Variants in DGKB observed in about 807,000 individuals in gnomAD.
DGKB encodes diacylglycerol kinase beta.
Under a neutral mutation model 114.3 loss-of-function variants are expected in DGKB, and 67 were observed. The ratio of observed to expected loss-of-function variants is 0.59; its 90% CI spans 0.48 to 0.72. DGKB has a LOEUF of 0.72. Among genes scored for constraint, DGKB ranks in the 30% least tolerant of loss-of-function variants. DGKB has a pLI of 0.00. For synonymous variants in DGKB, 398 were observed against 323.1 expected, an observed-to-expected ratio of 1.23 and a Z score of -2.49; for missense variants, 907 against 975.2, an observed-to-expected ratio of 0.93 and a Z score of 0.93.
chr7:14,704,157 C>T (rs561012324), intron 6 of DGKB, among the ~76,000 whole-genome samples: 10 of 151,670 alleles, frequency 6.6e-5, no homozygotes, highest in East Asian at 5.8e-4. Context: ...GTTTGCCGGC[C>T]GGGCGCGGTG....
At chr7:14,676,561 T>C (rs1435852711) in intron 12 of DGKB, among the ~76,000 whole-genome samples, 1 of 152,002 alleles carries the variant, frequency 6.6e-6, no homozygotes, top group African/African-American at 2.4e-5. Flanking sequence ...ACCTACTAAG[T>C]ACCCACAAAA....
intron 23 of DGKB, among the ~76,000 whole-genome samples, chr7:14,334,837 A>G (rs1278340703): frequency 6.6e-6 from 1 of 152,174 alleles, no homozygotes; most frequent in Non-Finnish European, 1.5e-5. Flanking sequence ...GAAAGGTCGA[A>G]TATTAACGCT....
At chr7:14,759,919 T>G (rs1171732545) in intron 2 of DGKB, among the ~76,000 whole-genome samples, 1 of 152,224 alleles carries the variant, frequency 6.6e-6, no homozygotes, top group Non-Finnish European at 1.5e-5. Flanking sequence ...TGCCAAAACT[T>G]GTTATTTTCT....
chr7:14,912,871 A>G (rs958766904), intron 1 of DGKB, among the ~76,000 whole-genome samples: 2 of 152,164 alleles, frequency 1.3e-5, no homozygotes, highest in Non-Finnish European at 2.9e-5. Context: ...TCTCGTACAG[A>G]AAGCACTTCT....
chr7:14,678,238 A>T (rs1820216132), intron 12 of DGKB, among the ~76,000 whole-genome samples: 1 of 152,056 alleles, frequency 6.6e-6, no homozygotes. Flanking sequence ...AAGCAACAGG[A>T]GCGGGCCACA....
At chr7:14,562,913 G>T (rs1796880708) in intron 20 of DGKB, among the ~76,000 whole-genome samples, 1 of 152,102 alleles carries the variant, frequency 6.6e-6, no homozygotes, top group Non-Finnish European at 1.5e-5. Context: ...GATTTGGGAG[G>T]GACCAATAGT....
chr7:14,322,188 T>C (rs546070104), intron 23 of DGKB, among the ~76,000 whole-genome samples: 15 of 152,302 alleles, frequency 9.8e-5, no homozygotes, highest in East Asian at 5.8e-4. Flanking sequence ...TTTATTTAGG[T>C]ATTGTTTTTG....
intron 21 of DGKB, among the ~76,000 whole-genome samples, chr7:14,463,766 TA>T (rs747826751): frequency 4.3e-4 from 66 of 152,300 alleles, no homozygotes; most frequent in Non-Finnish European, 8.1e-4. Context: ...ATATGTGAAG[TA>T]AAAATAATAA....
chr7:14,928,576 A>C (rs1377531201), intron 1 of DGKB, among the ~76,000 whole-genome samples: 2 of 152,034 alleles, frequency 1.3e-5, no homozygotes, highest in Non-Finnish European at 2.9e-5. Flanking sequence ...TTTGTCAGAG[A>C]AATTGCTTTT....
chr7:14,169,120 G>C (rs1163925187), intron 25 of DGKB, among the ~76,000 whole-genome samples: 1 of 151,908 alleles, frequency 6.6e-6, no homozygotes, highest in African/African-American at 2.4e-5. Flanking sequence ...AGCACTTTGG[G>C]AGGCCGAGGC....
chr7:14,449,636 T>C (rs1831192330), intron 21 of DGKB, among the ~76,000 whole-genome samples: 1 of 152,064 alleles, frequency 6.6e-6, no homozygotes, highest in Non-Finnish European at 1.5e-5. Flanking sequence ...TTCACTTTCC[T>C]GAACACTGCT....
At chr7:14,770,006 G>A (rs757051825) in intron 2 of DGKB, among the ~76,000 whole-genome samples, 13 of 152,020 alleles carry the variant, frequency 8.6e-5, no homozygotes, top group Non-Finnish European at 1.9e-4. Flanking sequence ...AGTATCCAGG[G>A]CTTAGGATTT....
chr7:14,348,034 T>C (rs1812770794), intron 21 of DGKB, among the ~76,000 whole-genome samples: 2 of 151,680 alleles, frequency 1.3e-5, no homozygotes, highest in South Asian at 2.1e-4. Context: ...CCAATGAAAA[T>C]ATCTTGCAAA....
chr7:14,209,539 G>T, intron 23 of DGKB: 1 of 502,096 alleles, frequency 2.0e-6, no homozygotes, highest in East Asian at 5.8e-5. Flanking sequence ...CAGCTGCACA[G>T]AGCTCCACTC....
intron 25 of DGKB, among the ~76,000 whole-genome samples, chr7:14,165,639 G>A (rs949810148): frequency 2.0e-5 from 3 of 151,980 alleles, no homozygotes; most frequent in African/African-American, 7.3e-5. Context: ...AGTGATCAAC[G>A]GATTCCATTA....
intron 23 of DGKB, among the ~76,000 whole-genome samples, chr7:14,215,354 T>C (rs1030966403): frequency 1.3e-5 from 2 of 152,058 alleles, no homozygotes; most frequent in African/African-American, 4.8e-5. Flanking sequence ...AAAGAGGCAA[T>C]GTATTTATAA....
exon 1 of DGKB, chr7:14,974,745 A>C (rs954491441): frequency 2.6e-5 from 4 of 152,138 alleles, no homozygotes; most frequent in African/African-American, 9.7e-5. Flanking sequence ...CTGTGATTCA[A>C]CATTCCCTAG....
At chr7:14,770,448 T>TG (rs1364091342) in intron 2 of DGKB, among the ~76,000 whole-genome samples, 2 of 152,150 alleles carry the variant, frequency 1.3e-5, no homozygotes, top group African/African-American at 2.4e-5. Context: ...GGTCATTGCC[T>TG]GGGAGCAGTC....
intron 23 of DGKB, among the ~76,000 whole-genome samples, chr7:14,181,222 G>T (rs1782591739): frequency 1.3e-5 from 2 of 152,134 alleles, no homozygotes; most frequent in Non-Finnish European, 2.9e-5. Flanking sequence ...GGTCGACAAA[G>T]CTGAAAATAT....
Sources: allele counts gnomAD v4.1 joint callset (sites outside exome capture counted in the v4.1 genomes callset), GRCh38; gene constraint gnomAD v4.1.1; transcripts MANE v1.5; gene names NCBI Gene and HGNC (gene_info 2026-07-23, HGNC 2026-07-21).